SUGCT: variants seen among roughly 807,000 people sequenced by gnomAD.
SUGCT encodes succinyl-CoA:glutarate CoA-transferase.
A neutral mutation model predicts 55.0 loss-of-function variants in SUGCT; 41 were observed. The observed-to-expected ratio is 0.74, with a 90% CI of 0.58 to 0.97. The LOEUF is 0.97. SUGCT is among the 50% of genes least tolerant of loss of function. The pLI is 0.00. For synonymous variants in SUGCT, 187 were observed against 200.4 expected (o/e 0.93, Z 0.56); for missense variants, 568 against 547.8 (o/e 1.04, Z -0.37).
chr7:40,842,195 C>T (rs893727166), intron 13 of SUGCT, among the ~76,000 whole-genome samples: 1 of 152,010 alleles, frequency 6.6e-6, no homozygotes, highest in African/African-American at 2.4e-5. Flanking sequence ...AAATTTGCAA[C>T]ACCCACTACC....
chr7:40,901,757 G>T, the SUGCT span, among the ~76,000 whole-genome samples: 12 of 152,324 alleles, frequency 7.9e-5, no homozygotes, highest in Middle Eastern at 3.4e-3. Flanking sequence ...GTTTCTCATG[G>T]GGGATAAATT....
chr7:40,493,712 G>A (rs1161724590), intron 11 of SUGCT, among the ~76,000 whole-genome samples: 2 of 152,100 alleles, frequency 1.3e-5, no homozygotes, highest in Non-Finnish European at 2.9e-5. Context: ...CATTCTTTTT[G>A]TCTTATCTTC....
intron 9 of SUGCT, among the ~76,000 whole-genome samples, chr7:40,375,043 G>A (rs993853984): frequency 1.3e-5 from 2 of 152,150 alleles, no homozygotes; most frequent in African/African-American, 4.8e-5. Context: ...CAGAAGGGAG[G>A]TCCTGAAACT....
chr7:40,185,152 C>T (rs1265459054), intron 3 of SUGCT, among the ~76,000 whole-genome samples: 1 of 152,176 alleles, frequency 6.6e-6, no homozygotes, highest in Non-Finnish European at 1.5e-5. Context: ...TTGTTGGATA[C>T]ATGCGGAAGA....
intron 13 of SUGCT, among the ~76,000 whole-genome samples, chr7:40,831,687 A>G (rs1792673061): frequency 1.3e-5 from 2 of 152,220 alleles, no homozygotes; most frequent in Non-Finnish European, 2.9e-5. Flanking sequence ...GTGGGAAAAT[A>G]TAACCTTGAG....
intron 9 of SUGCT, among the ~76,000 whole-genome samples, chr7:40,416,653 C>A (rs551716537): frequency 1.3e-5 from 2 of 151,782 alleles, no homozygotes; most frequent in Non-Finnish European, 3.0e-5. Flanking sequence ...AGAAATCTTG[C>A]GAATATTGAT....
At chr7:40,942,532 A>G in the SUGCT span, among the ~76,000 whole-genome samples, 4 of 152,106 alleles carry the variant, frequency 2.6e-5, no homozygotes, top group Non-Finnish European at 5.9e-5. Flanking sequence ...TGATGACTAT[A>G]TAGCTTGGTG....
rs1317641441 is a variant in SUGCT, at chr7:40,481,840, A to G, written c.987-14444A>G. Among the ~76,000 whole-genome samples the G allele has an allele frequency of 3.3e-5, 5 of 152,264 alleles. No individual in the cohort carries two copies. In the South Asian group the frequency reaches 6.2e-4, roughly 19 times the overall value. On this transcript the variant is annotated intron_variant, in intron 11 of 13. Coordinates refer to ENST00000335693, the MANE Select transcript of SUGCT (RefSeq NM_001193313.2). ...CATTGAGACCTTAAGTTACCCTGTTAAAAAGTGCAACTCTTCACAAAGGGC... is the reference window on the plus strand; with the variant it reads ...CATTGAGACCTTAAGTTACCCTGTTGAAAAGTGCAACTCTTCACAAAGGGC...
chr7:40,457,692 C>A (rs1407749362), intron 10 of SUGCT, among the ~76,000 whole-genome samples: 3 of 152,152 alleles, frequency 2.0e-5, no homozygotes, highest in Non-Finnish European at 4.4e-5. Context: ...TTCACACCAT[C>A]TTTGAAACAA....
intron 1 of SUGCT, among the ~76,000 whole-genome samples, chr7:40,150,070 G>A (rs112343483): frequency 6.6e-6 from 1 of 151,858 alleles, no homozygotes; most frequent in Non-Finnish European, 1.5e-5. Context: ...TCCAACCTGG[G>A]AACAGAGTGA....
At chr7:40,916,092 C>G in the SUGCT span, among the ~76,000 whole-genome samples, 1 of 140,990 alleles carries the variant, frequency 7.1e-6, no homozygotes, top group Non-Finnish European at 1.5e-5. Context: ...CACACACACA[C>G]ACACACACAC....
the SUGCT span, among the ~76,000 whole-genome samples, chr7:40,941,344 CAG>C: frequency 6.6e-6 from 1 of 151,996 alleles, no homozygotes; most frequent in African/African-American, 2.4e-5. Flanking sequence ...CAAAATCACT[CAG>C]GGGCAAATTA....
At chr7:40,403,971 T>G (rs896820388) in intron 9 of SUGCT, among the ~76,000 whole-genome samples, 2 of 152,182 alleles carry the variant, frequency 1.3e-5, no homozygotes, top group Admixed American at 6.5e-5. Context: ...TTCTTGGGCA[T>G]TTGTATTCTT....
intron 9 of SUGCT, among the ~76,000 whole-genome samples, chr7:40,439,064 G>A (rs112989212): frequency 0.34 from 9,023 of 26,820 alleles, 1,700 homozygotes; most frequent in Middle Eastern, 0.52. Context: ...TATATATGGT[G>A]TATATATATA....
chr7:40,758,993 A>T (rs1788400523), intron 13 of SUGCT, among the ~76,000 whole-genome samples: 1 of 152,196 alleles, frequency 6.6e-6, no homozygotes, highest in Non-Finnish European at 1.5e-5. Flanking sequence ...TAATCAAATT[A>T]AAAATGAAAA....
At chr7:40,812,553 A>G (rs932344939) in intron 13 of SUGCT, among the ~76,000 whole-genome samples, 35 of 152,012 alleles carry the variant, frequency 2.3e-4, no homozygotes, top group African/African-American at 6.3e-4. Flanking sequence ...TTGTATTTCT[A>G]TGAGATCAGT....
intron 3 of SUGCT, 132 bp from the exon 4 acceptor site, chr7:40,188,363 G>T (rs891963048): frequency 1.6e-6 from 1 of 619,348 alleles, no homozygotes; most frequent in Admixed American, 3.5e-5. Flanking sequence ...GAACCCAGGA[G>T]GTAGAGGTTG....
At chr7:40,219,586 A>G (rs146009675) in intron 6 of SUGCT, among the ~76,000 whole-genome samples, 220 of 152,266 alleles carry the variant, frequency 1.4e-3, no homozygotes, top group African/African-American at 5.0e-3. Flanking sequence ...TCTCTTTGGG[A>G]CGTTGTGACC....
chr7:40,553,257 CA>C (rs1795393546), intron 12 of SUGCT, among the ~76,000 whole-genome samples: 1 of 152,090 alleles, frequency 6.6e-6, no homozygotes, highest in African/African-American at 2.4e-5. Context: ...GGTATGGGTG[CA>C]AATTAGGGAA....
Sources: gnomAD v4.1 joint callset for allele counts (sites outside exome capture counted in the v4.1 genomes callset) on GRCh38, gnomAD v4.1.1 for gene constraint, MANE v1.5 for transcripts, NCBI Gene and HGNC (gene_info 2026-07-23, HGNC 2026-07-21) for gene names.